The following TBC1D22A variants were observed in gnomAD, a reference collection of about 807,000 sequenced individuals.
The protein encoded by TBC1D22A is TBC1 domain family member 22A, also known as putative GTPase activator.
Under a neutral mutation model 60.2 loss-of-function variants are expected in TBC1D22A, and 38 were observed. That is an observed-to-expected ratio of 0.63 (90% confidence interval 0.49 to 0.83). The LOEUF is 0.83. Ranked by LOEUF, TBC1D22A falls within the 40% of genes least tolerant of loss-of-function variation. TBC1D22A has a pLI of 0.00. For missense variants in TBC1D22A, 628 were observed against 701.0 expected, an observed-to-expected ratio of 0.90 and a Z score of 1.18; for synonymous variants, 302 against 281.7, an observed-to-expected ratio of 1.07 and a Z score of -0.72.
chr22:47,141,330 C>A (rs1179418593), intron 12 of TBC1D22A, among the ~76,000 whole-genome samples: 1 of 152,208 alleles, frequency 6.6e-6, no homozygotes, highest in East Asian at 1.9e-4. Context: ...TAGCCTGCAA[C>A]CTTGATCAGG....
chr22:46,809,071 C>A lies in TBC1D22A; in HGVS notation c.637+11451C>A, dbSNP rs144995219. 1.8e-3 allele frequency among the ~76,000 whole-genome samples: 268 copies of A among 152,294 alleles called. 1 individual carries two copies. The East Asian group carries it at 0.035, about 20-fold the overall frequency. On this transcript the variant is annotated intron_variant, in intron 4 of 12. Transcript: ENST00000337137. Reference sequence around the variant, plus strand: ...TAGTGTATTAATTTGCCTGGGCTGCCATAAGAAAATACCACAGACTGGGTG... The same window carrying A: ...TAGTGTATTAATTTGCCTGGGCTGCAATAAGAAAATACCACAGACTGGGTG...
chr22:46,924,074 G>A (rs564525888), intron 8 of TBC1D22A, among the ~76,000 whole-genome samples: 1 of 152,342 alleles, frequency 6.6e-6, no homozygotes, highest in South Asian at 2.1e-4. Flanking sequence ...CACAGTTTAA[G>A]CAGACAATTG....
rs549418437 is a variant in TBC1D22A at position 46,852,677 on chromosome 22, CT to C, written c.638-25972del. On this transcript the variant is annotated intron_variant, in intron 4 of 12. Transcript: ENST00000337137. ...ACCCCTTTGACCATCAGTGCCCAGC[CT>C]TTTCCTCACATCAGACTCCTGCTGA... 4.6e-5 allele frequency among the ~76,000 whole-genome samples: 7 copies of C among 152,298 alleles called. No individual in the cohort carries two copies. In the South Asian group the frequency reaches 1.0e-3, roughly 23 times the overall value.
intron 10 of TBC1D22A, among the ~76,000 whole-genome samples, chr22:47,006,546 C>T (rs2061597260): frequency 6.6e-6 from 1 of 152,234 alleles, no homozygotes; most frequent in South Asian, 2.1e-4. Context: ...TCTTCTGTGG[C>T]CGTCTCAGGC....
At chr22:47,087,964 T>C (rs1210730393) in intron 11 of TBC1D22A, among the ~76,000 whole-genome samples, 1 of 151,912 alleles carries the variant, frequency 6.6e-6, no homozygotes, top group African/African-American at 2.4e-5. Context: ...TTCCAGCTAC[T>C]TGGGAGGCTG....
At chr22:46,880,127 G>T (rs539986022) in intron 5 of TBC1D22A, among the ~76,000 whole-genome samples, 280 of 152,338 alleles carry the variant, frequency 1.8e-3, no homozygotes, top group African/African-American at 6.5e-3. Context: ...GCGCACTGGC[G>T]ACGCAGCCTT....
At chr22:47,048,130 G>A (rs1344522513) in intron 11 of TBC1D22A, among the ~76,000 whole-genome samples, 1 of 152,212 alleles carries the variant, frequency 6.6e-6, no homozygotes, top group African/African-American at 2.4e-5. Flanking sequence ...TGCGGTTCCT[G>A]GGACTCAGCT....
At position 46,990,038 on chromosome 22, in the gene TBC1D22A, A is replaced by C. The variant is rs567149262; in HGVS notation, c.1126-7596A>C. Among the ~76,000 whole-genome samples the C allele has an allele frequency of 5.3e-5, 8 of 152,230 alleles. No homozygotes were observed. Among genetic ancestry groups the C allele is most frequent in the Non-Finnish European group, 1.0e-4 (7 of 68,042 alleles). On this transcript the variant is annotated intron_variant, in intron 9 of 12. Coordinates refer to ENST00000337137, the MANE Select transcript of TBC1D22A (RefSeq NM_014346.5). This position sits in a 1 kb window ranked among gnomAD's most constrained non-coding sequence, Gnocchi z 4.6. ...AGACTGGTCTTGAACTCCTGGGCTC[A>C]AGCGAGCTGCCCATGTTGGCCTCCC...
intron 8 of TBC1D22A, among the ~76,000 whole-genome samples, chr22:46,970,508 GTCC>G (rs1195637054): frequency 1.3e-5 from 2 of 152,158 alleles, no homozygotes; most frequent in Non-Finnish European, 2.9e-5. Flanking sequence ...AGATAAACCT[GTCC>G]TCCTTGTTGT....
chr22:47,120,043 G>A (rs2066216792), intron 12 of TBC1D22A, among the ~76,000 whole-genome samples: 1 of 152,098 alleles, frequency 6.6e-6, no homozygotes, highest in African/African-American at 2.4e-5. Context: ...AATACCACTG[G>A]AATGTAGCCA....
chr22:46,954,457 G>A (rs560428416), intron 8 of TBC1D22A, among the ~76,000 whole-genome samples: 32 of 152,346 alleles, frequency 2.1e-4, no homozygotes, highest in African/African-American at 6.7e-4. Flanking sequence ...TGTTCAAGGC[G>A]GAGAGTTGTG....
At chr22:46,888,809 G>C (rs767302791) in intron 5 of TBC1D22A, among the ~76,000 whole-genome samples, 5 of 152,210 alleles carry the variant, frequency 3.3e-5, no homozygotes, top group African/African-American at 7.2e-5. Context: ...GGGTTCAAGT[G>C]ATTCTCCTGC....
At chr22:47,064,963 T>A (rs1180242701) in intron 11 of TBC1D22A, among the ~76,000 whole-genome samples, 2 of 152,126 alleles carry the variant, frequency 1.3e-5, no homozygotes, top group Non-Finnish European at 2.9e-5. Flanking sequence ...TTTTTAAAAA[T>A]TTGTTTATTA....
In TBC1D22A at chr22:47,173,873, A is replaced by G. The variant is rs1308645344; in HGVS notation, c.*247A>G. 4.1e-6 allele frequency: 2 copies of G among 482,014 alleles called. No individual in the cohort carries two copies. Among genetic ancestry groups the G allele is most frequent in the Non-Finnish European group, 7.3e-6 (2 of 274,844 alleles). The allele number at this position is 482,014 out of a possible 1,614,324, so 29.9% of individuals were successfully genotyped here. A position where few individuals can be genotyped will look rare whatever the true frequency, so the allele number is the denominator to read the frequency against. ...GGCCCCGGGTTCGGCGGCCAGAGGC[A>G]GGTCAGGGGTCCCCTCTCCCTCTCC... On this transcript the variant is annotated 3_prime_UTR_variant, in exon 13 of 13. Transcript: ENST00000337137.
At chr22:47,005,382 A>G (rs2061551609) in intron 10 of TBC1D22A, among the ~76,000 whole-genome samples, 1 of 151,202 alleles carries the variant, frequency 6.6e-6, no homozygotes, top group Admixed American at 6.6e-5. Context: ...CTGTACACAC[A>G]TACCCCTATG....
chr22:46,896,243 T>TG (rs1380478184), intron 7 of TBC1D22A, among the ~76,000 whole-genome samples: 1 of 152,210 alleles, frequency 6.6e-6, no homozygotes, highest in Non-Finnish European at 1.5e-5. Flanking sequence ...TTGTTGATCT[T>TG]TACATGGTAA....
intron 10 of TBC1D22A, among the ~76,000 whole-genome samples, chr22:47,002,775 G>T (rs4823901): frequency 5.3e-5 from 8 of 152,174 alleles, no homozygotes; most frequent in African/African-American, 1.9e-4. Flanking sequence ...CCCGGTTCTG[G>T]TGGGCTCCAC....
chr22:47,149,375 A>G (rs1488174911), intron 12 of TBC1D22A, among the ~76,000 whole-genome samples: 1 of 152,242 alleles, frequency 6.6e-6, no homozygotes, highest in Non-Finnish European at 1.5e-5. Flanking sequence ...GCTTAATGAG[A>G]CGTTTAGCAA....
intron 12 of TBC1D22A, among the ~76,000 whole-genome samples, chr22:47,126,365 C>T (rs969122887): frequency 2.0e-5 from 3 of 152,224 alleles, no homozygotes; most frequent in African/African-American, 7.2e-5. Flanking sequence ...CCCTGTGGTT[C>T]CTGAGCCCTT....
Sources: allele counts gnomAD v4.1 joint callset (sites outside exome capture counted in the v4.1 genomes callset), GRCh38; gene constraint gnomAD v4.1.1; non-coding constraint Gnocchi (gnomAD v3.1); transcripts MANE v1.5; gene names NCBI Gene and HGNC (gene_info 2026-07-23, HGNC 2026-07-21).